CCDC85C: variants seen among roughly 807,000 people sequenced by gnomAD.
CCDC85C encodes coiled-coil domain containing 85C.
CCDC85C carries 18 observed loss-of-function variants against 38.3 expected under a neutral mutation model. The observed-to-expected ratio is 0.47, with a 90% CI of 0.33 to 0.70. CCDC85C has a LOEUF of 0.70. Among genes scored for constraint, CCDC85C ranks in the 30% least tolerant of loss-of-function variants. The pLI, the probability that CCDC85C is intolerant of heterozygous loss-of-function variation, is 0.03. For missense variants in CCDC85C, 566 were observed against 621.2 expected, an observed-to-expected ratio of 0.91 and a Z score of 0.94; for synonymous variants, 264 against 293.8, an observed-to-expected ratio of 0.90 and a Z score of 1.04.
Position 99,516,984 on chromosome 14 carries a change from C to A in CCDC85C, c.1071+104G>T. On this transcript the variant is annotated intron_variant, in intron 4 of 5. Transcript: ENST00000380243. The surrounding 1 kb of genome is among the most constrained non-coding windows in gnomAD (Gnocchi z 5.5). ...CCCAGCCACCCACACACAGATGAAA[C>A]CTCCCACCCCTGCCACTTGGATACC... 4 of 1,106,616 alleles carry A rather than the reference C, an allele frequency of 3.6e-6. No homozygotes were observed. The highest frequency in any genetic ancestry group is 5.4e-6 in the Non-Finnish European group (4 of 743,514). 68.5% of individuals were successfully genotyped at this position (1,106,616 alleles called of 1,614,324 possible). A position where few individuals can be genotyped will look rare whatever the true frequency, so the allele number is the denominator to read the frequency against.
chr14:99,534,688 C>A (rs897934727), intron 2 of CCDC85C: 1 of 702,380 alleles, frequency 1.4e-6, no homozygotes, highest in Non-Finnish European at 2.6e-6. Context: ...CCTTAGCAAC[C>A]ACAATGGCCC....
chr14:99,602,399 C>T (rs954860537), intron 1 of CCDC85C, among the ~76,000 whole-genome samples: 5 of 152,218 alleles, frequency 3.3e-5, no homozygotes, highest in African/African-American at 9.6e-5. Flanking sequence ...TCCTGTAAGG[C>T]GATCAACAGT....
intron 1 of CCDC85C, among the ~76,000 whole-genome samples, chr14:99,560,410 G>C (rs1294711480): frequency 6.6e-6 from 1 of 152,194 alleles, no homozygotes; most frequent in African/African-American, 2.4e-5. Flanking sequence ...ATCCCTGGGA[G>C]GGATGACTGC....
In CCDC85C at chr14:99,583,419, A is replaced by C. The variant is rs559057478; in HGVS notation, c.793+19748T>G. Among the ~76,000 whole-genome samples the C allele has an allele frequency of 5.3e-5, 8 of 151,168 alleles. No homozygotes were observed. In the South Asian group the frequency reaches 1.7e-3, roughly 32 times the overall value. On this transcript the variant is annotated intron_variant, in intron 1 of 5. Transcript: ENST00000380243. ...CTTTGGAGGCTGAGGCAGGAGAATC[A>C]CTTGAACGTGGGAGGCGGAGGTTAC... is the stretch of plus-strand genomic sequence containing the variant.
In CCDC85C at chr14:99,558,933, T is replaced by G. The variant is rs1431762605; in HGVS notation, c.794-22845A>C. On this transcript the variant is annotated intron_variant, in intron 1 of 5. Coordinates refer to ENST00000380243, the MANE Select transcript of CCDC85C (RefSeq NM_001144995.2). The surrounding 1 kb of genome is among the most constrained non-coding windows in gnomAD (Gnocchi z 4.2). ...TTAGTGCCACCCCCTATTGCTGTTC[T>G]TGTGATACAGTTCCTCTGTGATCTG... Among the ~76,000 whole-genome samples, 2 of 152,152 alleles carry G rather than the reference T, an allele frequency of 1.3e-5. No individual in the cohort carries two copies. The highest frequency in any genetic ancestry group is 2.9e-5 in the Non-Finnish European group (2 of 68,018).
intron 1 of CCDC85C, among the ~76,000 whole-genome samples, chr14:99,547,879 C>T (rs1434002806): frequency 6.6e-6 from 1 of 151,288 alleles, no homozygotes; most frequent in East Asian, 1.9e-4. Context: ...CATATATATA[C>T]ATATATACAC....
At chr14:99,546,236 G>A (rs8014684) in intron 1 of CCDC85C, among the ~76,000 whole-genome samples, 84,326 of 151,592 alleles carry the variant, frequency 0.56, 23,852 homozygotes, top group African/African-American at 0.65. Context: ...CTGGGGGGCC[G>A]GGATGATGCC....
intron 2 of CCDC85C, among the ~76,000 whole-genome samples, chr14:99,523,832 A>G (rs1382244739): frequency 6.6e-6 from 1 of 152,152 alleles, no homozygotes; most frequent in African/African-American, 2.4e-5. Flanking sequence ...TGGGACTGCC[A>G]TGCCCTGACC....
chr14:99,570,719 C>T (rs1408581031), intron 1 of CCDC85C, among the ~76,000 whole-genome samples: 3 of 152,168 alleles, frequency 2.0e-5, no homozygotes, highest in Non-Finnish European at 2.9e-5. Context: ...TTCACCTTCC[C>T]GGCCCCTGAG....
At chr14:99,565,916 G>A (rs76815253) in intron 1 of CCDC85C, among the ~76,000 whole-genome samples, 2,429 of 152,320 alleles carry the variant, frequency 0.016, 34 homozygotes, top group Non-Finnish European at 0.024. Context: ...CAATGCAGGG[G>A]ACGGTGGCTT....
At chr14:99,540,423 GGGA>G (rs1434265583) in intron 1 of CCDC85C, among the ~76,000 whole-genome samples, 1 of 152,144 alleles carries the variant, frequency 6.6e-6, no homozygotes, top group Non-Finnish European at 1.5e-5. Flanking sequence ...CCGGCTCCCC[GGGA>G]GGACTGTCCT....
Position 99,592,933 on chromosome 14 carries a change from C to T in CCDC85C, c.793+10234G>A, listed in dbSNP as rs947359796. ...CCCTGCCAGCCAGGACAGAAGGTGC[C>T]GAAAGAGGGAGAAACTAGCTTCTTA... On this transcript the variant is annotated intron_variant, in intron 1 of 5. Transcript: ENST00000380243. 1.1e-4 allele frequency among the ~76,000 whole-genome samples: 17 copies of T among 152,162 alleles called. 1 individual carries two copies. The highest frequency in any genetic ancestry group is 9.8e-4 in the Admixed American group (15 of 15,284).
intron 1 of CCDC85C, among the ~76,000 whole-genome samples, chr14:99,600,116 AC>A (rs2055183568): frequency 6.6e-6 from 1 of 152,354 alleles, no homozygotes; most frequent in East Asian, 1.9e-4. Context: ...GTGCTGCCAC[AC>A]AAGAGGCTCA....
At chr14:99,539,687 T>G (rs1485519176) in intron 1 of CCDC85C, among the ~76,000 whole-genome samples, 1 of 152,104 alleles carries the variant, frequency 6.6e-6, no homozygotes, top group African/African-American at 2.4e-5. Context: ...GGCTGCGACG[T>G]TTAAAAATAT....
intron 1 of CCDC85C, among the ~76,000 whole-genome samples, chr14:99,553,643 G>T (rs988758647): frequency 6.6e-6 from 1 of 152,198 alleles, no homozygotes; most frequent in Admixed American, 6.5e-5. Flanking sequence ...GATTACAGGT[G>T]TGAGCCACTG....
At chr14:99,515,455 G>A (rs1235919183) in intron 5 of CCDC85C, 120 bp from the exon 6 acceptor site, 7 of 686,244 alleles carry the variant, frequency 1.0e-5, no homozygotes, top group Non-Finnish European at 1.5e-5. Context: ...GGGCCAGGAG[G>A]GACACGGAGG....
In CCDC85C at chr14:99,501,440, T is replaced by G; in HGVS notation, c.*13806A>C. On this transcript the variant is annotated 3_prime_UTR_variant, in exon 6 of 6. Coordinates refer to ENST00000380243, the MANE Select transcript of CCDC85C (RefSeq NM_001144995.2). Reference sequence around the variant, plus strand: ...TATACATGTTCAAATGTTGATTAATTACAGTATTTTAAAATAGGCAGAGAC... The same window carrying G: ...TATACATGTTCAAATGTTGATTAATGACAGTATTTTAAAATAGGCAGAGAC... The G allele has an allele frequency of 7.0e-7, 1 of 1,426,502 alleles. No homozygotes were observed. 88.4% of individuals were successfully genotyped at this position (1,426,502 alleles called of 1,614,324 possible).
At position 99,567,008 on chromosome 14, in the gene CCDC85C, G is replaced by A. The variant is rs74083731; in HGVS notation, c.794-30920C>T. On this transcript the variant is annotated intron_variant, in intron 1 of 5. Transcript: ENST00000380243. ...CAGCGCTCCAGCCTCAAGAGGGCCC[G>A]AACCCCTCTGCCCTTTCAAAGCCAA... 8.1e-3 allele frequency among the ~76,000 whole-genome samples: 1,240 copies of A among 152,256 alleles called. 16 individuals carry two copies. The highest frequency in any genetic ancestry group is 0.028 in the African/African-American group (1,144 of 41,544).
At chr14:99,570,905 C>T (rs900697224) in intron 1 of CCDC85C, among the ~76,000 whole-genome samples, 1 of 152,096 alleles carries the variant, frequency 6.6e-6, no homozygotes, top group African/African-American at 2.4e-5. Flanking sequence ...GGAAAGGGGC[C>T]TCCTTCCCTC....
Sources: gnomAD v4.1 joint callset for allele counts (sites outside exome capture counted in the v4.1 genomes callset) on GRCh38, gnomAD v4.1.1 for gene constraint, Gnocchi (gnomAD v3.1) non-coding constraint, MANE v1.5 for transcripts, NCBI Gene and HGNC (gene_info 2026-07-23, HGNC 2026-07-21) for gene names.